The following GRM1 variants were observed in gnomAD, a reference collection of about 807,000 sequenced individuals.
GRM1 encodes the protein metabotropic glutamate receptor 1.
GRM1 carries 33 observed loss-of-function variants against 90.9 expected under a neutral mutation model. The observed-to-expected ratio is 0.36, with a 90% confidence interval of 0.28 to 0.49. The LOEUF is 0.49. GRM1 is among the 20% of genes least tolerant of loss of function. The pLI is 0.99. For synonymous variants in GRM1, 700 were observed against 613.2 expected (o/e 1.14, Z -2.09); for missense variants, 1,190 against 1,534.3 (o/e 0.78, Z 3.75).
chr6:146,325,738 C>A (rs1357082422), intron 3 of GRM1, among the ~76,000 whole-genome samples: 1 of 152,114 alleles, frequency 6.6e-6, no homozygotes, highest in Non-Finnish European at 1.5e-5. Flanking sequence ...GTGAAGATTT[C>A]TGTCACATTT....
At chr6:146,142,279 G>A (rs1448496576) in intron 1 of GRM1, among the ~76,000 whole-genome samples, 1 of 152,138 alleles carries the variant, frequency 6.6e-6, no homozygotes, top group African/African-American at 2.4e-5. Flanking sequence ...TCTGTGCTGA[G>A]CTTCCTGGAG....
chr6:146,230,210 T>G (rs2114701245), intron 2 of GRM1, among the ~76,000 whole-genome samples: 1 of 152,198 alleles, frequency 6.6e-6, no homozygotes, highest in South Asian at 2.1e-4. Flanking sequence ...TAATAAAATT[T>G]CAAGAGAATG....
chr6:146,087,035 C>G (rs779209770), intron 1 of GRM1, among the ~76,000 whole-genome samples: 35 of 151,964 alleles, frequency 2.3e-4, no homozygotes, highest in South Asian at 8.3e-4. Context: ...TTCTAAGATC[C>G]AAAACTTTTA....
chr6:146,177,190 AC>A (rs1222695455), intron 2 of GRM1, among the ~76,000 whole-genome samples: 2 of 152,068 alleles, frequency 1.3e-5, no homozygotes, highest in African/African-American at 4.8e-5. Context: ...TTTATGTCTG[AC>A]CTTTAGTCCA....
intron 2 of GRM1, among the ~76,000 whole-genome samples, chr6:146,247,802 GTGTA>G (rs1230850965): frequency 0.014 from 1,772 of 130,840 alleles, 24 homozygotes; most frequent in African/African-American, 0.049. Flanking sequence ...GTGTGTGTGT[GTGTA>G]TATATATATA....
intron 2 of GRM1, among the ~76,000 whole-genome samples, chr6:146,271,160 A>T (rs1782147892): frequency 1.3e-5 from 2 of 151,860 alleles, no homozygotes; most frequent in African/African-American, 4.8e-5. Flanking sequence ...ACATGCCACC[A>T]TGCCCAGCTA....
intron 5 of GRM1, among the ~76,000 whole-genome samples, chr6:146,372,618 T>C (rs1256948560): frequency 6.6e-6 from 1 of 152,118 alleles, no homozygotes; most frequent in Non-Finnish European, 1.5e-5. Flanking sequence ...CTTTAATTGA[T>C]ATTTATTTGA....
At chr6:146,083,925 T>A (rs566504198) in intron 1 of GRM1, among the ~76,000 whole-genome samples, 75 of 152,368 alleles carry the variant, frequency 4.9e-4, no homozygotes, top group Admixed American at 1.6e-3. Flanking sequence ...GTTATTGGTC[T>A]ATTCTGGGAT....
intron 1 of GRM1, among the ~76,000 whole-genome samples, chr6:146,052,974 G>A (rs1442551561): frequency 6.6e-6 from 1 of 151,850 alleles, no homozygotes; most frequent in Non-Finnish European, 1.5e-5. Flanking sequence ...AAAAACCCCG[G>A]GGTTTTATGT....
intron 2 of GRM1, among the ~76,000 whole-genome samples, chr6:146,239,379 A>C (rs1007619188): frequency 1.3e-5 from 2 of 152,126 alleles, no homozygotes; most frequent in Non-Finnish European, 2.9e-5. Context: ...CACACACACT[A>C]TCTACACTGT....
chr6:146,260,809 T>TTTTTTG, intron 2 of GRM1, among the ~76,000 whole-genome samples: 1 of 95,964 alleles, frequency 1.0e-5, no homozygotes, highest in African/African-American at 6.5e-5. Context: ...TTTGGGTTTT[T>TTTTTTG]TTTTTTTTTT....
chr6:146,177,633 A>G (rs1167649225), intron 2 of GRM1, among the ~76,000 whole-genome samples: 1 of 152,110 alleles, frequency 6.6e-6, no homozygotes, highest in African/African-American at 2.4e-5. Context: ...CTCAGTTATC[A>G]TTATTTAAAT....
rs941859879 is a variant in GRM1 at position 146,240,326 on chromosome 6, T to C, written c.951-64285T>C. 8.6e-5 allele frequency among the ~76,000 whole-genome samples: 13 copies of C among 151,270 alleles called. No homozygotes were observed. The East Asian group carries it at 2.2e-3, about 25-fold the overall frequency. ...CACCCAAAAGGGTAAATTAAGAGTG[T>C]TAATAAAAGACTCTTTTCAAAGGTG... is the stretch of plus-strand genomic sequence containing the variant. On this transcript the variant is annotated intron_variant, in intron 2 of 7. Coordinates refer to ENST00000282753, the MANE Select transcript of GRM1 (RefSeq NM_001278064.2).
intron 6 of GRM1, among the ~76,000 whole-genome samples, chr6:146,389,357 T>G (rs968134053): frequency 1.6e-4 from 24 of 152,084 alleles, no homozygotes; most frequent in Admixed American, 4.6e-4. Context: ...TCATTTTCAT[T>G]AGGGCTTATC....
At chr6:146,364,798 T>A (rs901945029) in intron 5 of GRM1, 25 of 150,012 alleles carry the variant, frequency 1.7e-4, no homozygotes, top group African/African-American at 6.2e-4. Context: ...TTTGGAACAA[T>A]TTAAAGGGTA....
At chr6:146,101,137 A>C (rs1285741981) in intron 1 of GRM1, among the ~76,000 whole-genome samples, 1 of 152,186 alleles carries the variant, frequency 6.6e-6, no homozygotes, top group Non-Finnish European at 1.5e-5. Context: ...CAAGTTTTTC[A>C]ATATGTGAAT....
chr6:146,215,006 A>G (rs1214908425), intron 2 of GRM1, among the ~76,000 whole-genome samples: 1 of 152,206 alleles, frequency 6.6e-6, no homozygotes, highest in East Asian at 1.9e-4. Flanking sequence ...ACCCAGAAAT[A>G]CACCTTATAA....
At chr6:146,206,863 CT>C (rs528073353) in intron 2 of GRM1, among the ~76,000 whole-genome samples, 306 of 152,122 alleles carry the variant, frequency 2.0e-3, no homozygotes, top group African/African-American at 7.0e-3. Context: ...TTCATTAGTT[CT>C]TATCATTTAG....
intron 1 of GRM1, among the ~76,000 whole-genome samples, chr6:146,117,638 C>A (rs1223747254): frequency 6.6e-6 from 1 of 151,838 alleles, no homozygotes; most frequent in Non-Finnish European, 1.5e-5. Flanking sequence ...GTTTCACTAT[C>A]TACTACAAAA....
Sources: allele counts gnomAD v4.1 joint callset (sites outside exome capture counted in the v4.1 genomes callset), GRCh38; gene constraint gnomAD v4.1.1; transcripts MANE v1.5; gene names NCBI Gene and HGNC (gene_info 2026-07-23, HGNC 2026-07-21).